Variants in PAXBP1 observed in about 807,000 individuals in gnomAD.
PAXBP1 encodes the protein PAX3 and PAX7 binding protein 1.
PAXBP1 carries 44 observed loss-of-function variants against 119.9 expected under a neutral mutation model. The observed-to-expected ratio is 0.37, with a 90% CI of 0.29 to 0.47. PAXBP1 has a LOEUF of 0.47. Ranked by LOEUF, PAXBP1 falls within the 20% of genes least tolerant of loss-of-function variation. PAXBP1 has a pLI of 0.99. For synonymous variants in PAXBP1, 393 were observed against 406.6 expected (o/e 0.97, Z 0.40); for missense variants, 898 against 1,134.1 (o/e 0.79, Z 2.99).
chr21:32,743,222 C>G (rs2043815978), intron 15 of PAXBP1, 26 bp downstream of exon 15: 2 of 1,540,694 alleles, frequency 1.3e-6, no homozygotes, highest in African/African-American at 1.4e-5. Flanking sequence ...AAATCTGAGT[C>G]TTTTAGATAG....
rs761318734 is a variant in PAXBP1 at position 32,737,412 on chromosome 21, T to C, written c.2482-4A>G. The C allele has an allele frequency of 6.2e-5, 98 of 1,592,396 alleles. No individual in the cohort carries two copies. Among genetic ancestry groups the C allele is most frequent in the Non-Finnish European group, 7.9e-5 (93 of 1,171,564 alleles). On this transcript the variant is annotated splice_polypyrimidine_tract_variant and splice_region_variant and intron_variant, in intron 16 of 17. Coordinates refer to ENST00000331923, the MANE Select transcript of PAXBP1 (RefSeq NM_016631.4). ...GTTTGGGGAAACAATTGATTACCTGTGGAGAAGAAAGACGTAAAATAAAAT... is the reference window on the plus strand; with the variant it reads ...GTTTGGGGAAACAATTGATTACCTGCGGAGAAGAAAGACGTAAAATAAAAT...
chr21:32,738,776 C>G (rs983831717), intron 15 of PAXBP1, among the ~76,000 whole-genome samples: 1 of 152,028 alleles, frequency 6.6e-6, no homozygotes, highest in Non-Finnish European at 1.5e-5. Context: ...GCATCTCAAG[C>G]TACCCAAGCT....
At chr21:32,740,819 A>T (rs1041085034) in intron 15 of PAXBP1, among the ~76,000 whole-genome samples, 16 of 152,182 alleles carry the variant, frequency 1.1e-4, no homozygotes, top group Non-Finnish European at 1.5e-5. Context: ...ACAAACTGAA[A>T]AAAAAAAATC....
In PAXBP1 at chr21:32,745,607, T is replaced by C. The variant is rs768854048; in HGVS notation, c.2035A>G (p.Ile679Val). The C allele has an allele frequency of 5.0e-6, 8 of 1,614,036 alleles. No homozygotes were observed. Among genetic ancestry groups the C allele is most frequent in the South Asian group, 1.1e-5 (1 of 91,078 alleles). ...TTAGGAAGAATCACCTTTTCCACAA[T>C]GGTAGGTAGTAGGGCAACATCTACA... is the stretch of plus-strand genomic sequence containing the variant. Reference protein sequence around the residue: ...DDVDVALLPTIVEKVILPKLT... With the variant: ...DDVDVALLPTVVEKVILPKLT... The change falls in exon 12 of 18, where the codon ATT becomes GTT. Residue 679 changes from isoleucine to valine, a missense_variant. By Grantham distance (29) the Ile-to-Val change is conservative. Around this residue, in one of 2 missense-constraint regions of PAXBP1, gnomAD observed 599 missense variants for 852.7 expected, o/e 0.70. Transcript: ENST00000331923.
At position 32,743,271 on chromosome 21, in the gene PAXBP1, G is replaced by A. The variant is rs1320858083; in HGVS notation, c.2311C>T (p.Arg771Ter). The A allele has an allele frequency of 3.2e-6, 5 of 1,576,194 alleles. No homozygotes were observed. The highest frequency in any genetic ancestry group is 1.4e-5 in the African/African-American group (1 of 72,396). The change falls in exon 15 of 18, where the codon CGA (arginine) becomes TGA (stop). Residue 771 changes from arginine (R) to a stop codon, truncating the protein, a stop_gained. Transcript: ENST00000331923. LOFTEE classifies it high-confidence loss of function. The stretch of plus-strand genomic sequence containing the variant: ...ACCTTAACTGAAGACCAAAACTGTC[G>A]TTGAAAAAACAAGTAAGGCCCAGAA... The part of the protein sequence containing the change: ...KNSGPYLFFQ[R>*]QFWSSVKLLG...
chr21:32,749,025 G>A (rs113220146), intron 10 of PAXBP1, among the ~76,000 whole-genome samples: 8 of 152,164 alleles, frequency 5.3e-5, no homozygotes, highest in South Asian at 2.1e-4. Flanking sequence ...TAATTGTGCC[G>A]CTAGCTTTTT....
At position 32,769,941 on chromosome 21, in the gene PAXBP1, T is replaced by C; in HGVS notation, c.345A>G (p.Glu115=). Residue 115 remains glutamate (E), a splice_region_variant and synonymous_variant, in exon 2 of 18, where the codon GAA becomes GAG. Coordinates refer to ENST00000331923, the MANE Select transcript of PAXBP1 (RefSeq NM_016631.4). The part of the protein sequence containing the change: ...SLLSFQDEEE[E]NEEVFKVKKS... The stretch of plus-strand genomic sequence containing the variant: ...TCTTCACTTTGAAAACTTCTTCATT[T>C]TCTTAAAAAGGAAATTAAATGAAGT... 6.6e-7 allele frequency: 1 copy of C among 1,521,470 alleles called. No homozygotes were observed. The highest frequency in any genetic ancestry group is 8.9e-7 in the Non-Finnish European group (1 of 1,124,164). The allele number at this position is 1,521,470 out of a possible 1,614,324, so 94.2% of individuals were successfully genotyped here.
At position 32,734,337 on chromosome 21, in the gene PAXBP1, A is replaced by G. The variant is rs116500484; in HGVS notation, c.*613T>C. The G allele has an allele frequency of 0.012, 1,777 of 152,992 alleles. 34 individuals carry two copies. Among genetic ancestry groups the G allele is most frequent in the African/African-American group, 0.038 (1,598 of 41,580 alleles). 9.5% of individuals were successfully genotyped at this position (152,992 alleles called of 1,614,324 possible). On this transcript the variant is annotated 3_prime_UTR_variant, in exon 18 of 18. Transcript: ENST00000331923. ...TGTTGCATATTCATTTAGCATTCACATTAAACCCACATTTGACTCTAACGC... is the reference window on the plus strand; with the variant it reads ...TGTTGCATATTCATTTAGCATTCACGTTAAACCCACATTTGACTCTAACGC...
rs771589234 is a variant in PAXBP1, at chr21:32,759,873, T to C, written c.1097A>G (p.Lys366Arg). 1 of 1,614,000 alleles carries C rather than the reference T, an allele frequency of 6.2e-7. No individual in the cohort carries two copies. The highest frequency in any genetic ancestry group is 1.1e-5 in the South Asian group (1 of 91,076). Residue 366 changes from lysine to arginine, a missense_variant, in exon 6 of 18, where the codon AAA (lysine) becomes AGA (arginine). Coordinates refer to ENST00000331923, the MANE Select transcript of PAXBP1 (RefSeq NM_016631.4). ...GACTGTATTATCTGTTTTTTGAGAT[T>C]TGGCATCTGATGATCCATAGGCCGT... is the stretch of plus-strand genomic sequence containing the variant. ...SYTAYGSSDAKSQKTDNTVPF... is the reference protein window; with the variant it reads ...SYTAYGSSDARSQKTDNTVPF...
chr21:32,752,245 G>A (rs2043968220), intron 8 of PAXBP1: 1 of 152,116 alleles, frequency 6.6e-6, no homozygotes, highest in South Asian at 2.1e-4. Context: ...CAGTTCTTTT[G>A]TTGGGGATCC....
chr21:32,759,848 G>C lies in PAXBP1; in HGVS notation c.1122C>G (p.Val374=). The change falls in exon 6 of 18, where the codon GTC becomes GTG. Residue 374 remains valine, a synonymous_variant. Coordinates refer to ENST00000331923, the MANE Select transcript of PAXBP1 (RefSeq NM_016631.4). The stretch of plus-strand genomic sequence containing the variant: ...TCTCATTACTGGGAGTTTTGAAAGG[G>C]ACTGTATTATCTGTTTTTTGAGATT... ...DAKSQKTDNT[V]PFKTPSNEMT... 1 of 1,613,998 alleles carries C rather than the reference G, an allele frequency of 6.2e-7. No individual in the cohort carries two copies. Among genetic ancestry groups the C allele is most frequent in the East Asian group, 2.2e-5 (1 of 44,868 alleles).
At chr21:32,767,731 C>CCATG (rs1448855602) in intron 2 of PAXBP1, among the ~76,000 whole-genome samples, 1 of 152,178 alleles carries the variant, frequency 6.6e-6, no homozygotes. Flanking sequence ...TCACCTCCTG[C>CCATG]CATGATTCTG....
In PAXBP1 at chr21:32,745,729, T is replaced by A. The variant is rs79045709; in HGVS notation, c.1924-11A>T. The A allele has an allele frequency of 2.4e-3, 3,796 of 1,613,550 alleles. 94 individuals are homozygous for A. The African/African-American group carries it at 0.044, about 19-fold the overall frequency. ...GTCACGACATTTTGCCTAAAAGACATTTAAAAGGTTACCCAAATACTAAAA... is the reference window on the plus strand; with the variant it reads ...GTCACGACATTTTGCCTAAAAGACAATTAAAAGGTTACCCAAATACTAAAA... On this transcript the variant is annotated splice_polypyrimidine_tract_variant and intron_variant, in intron 11 of 17. Transcript: ENST00000331923.
At chr21:32,745,491 A>T in intron 12 of PAXBP1, 83 bp downstream of exon 12, 1 of 1,542,904 alleles carries the variant, frequency 6.5e-7, no homozygotes, top group Non-Finnish European at 8.9e-7. Context: ...ATAAGGAAAC[A>T]TGCTCTGAAT....
Position 32,771,705 on chromosome 21 carries a change from A to C in PAXBP1, c.-37T>G. On this transcript the variant is annotated 5_prime_UTR_variant, in exon 1 of 18. Coordinates refer to ENST00000331923, the MANE Select transcript of PAXBP1 (RefSeq NM_016631.4). ...GCACGGCGGTCGAATACTCGCTTCC[A>C]CACCGCGGCCCCGGCAGCGCCGAGC... The C allele has an allele frequency of 7.4e-7, 1 of 1,350,138 alleles. No individual in the cohort carries two copies. The highest frequency in any genetic ancestry group is 9.5e-7 in the Non-Finnish European group (1 of 1,051,374). 83.6% of individuals were successfully genotyped at this position (1,350,138 alleles called of 1,614,324 possible).
rs200811797 is a variant in PAXBP1, at chr21:32,735,001, A to G, written c.2703T>C (p.Val901=). 6.2e-6 allele frequency: 10 copies of G among 1,613,952 alleles called. No homozygotes were observed. Among genetic ancestry groups the G allele is most frequent in the Non-Finnish European group, 8.5e-6 (10 of 1,179,924 alleles). The part of the protein sequence containing the change: ...SVRALDHAMS[V]ASDHNVKEFK... ...ATTCTTTCACATTGTGGTCACTTGC[A>G]ACAGACATAGCATGATCCAAAGCTC... Residue 901 remains valine, a synonymous_variant, in exon 18 of 18, where the codon GTT becomes GTC. Transcript: ENST00000331923.
intron 8 of PAXBP1, among the ~76,000 whole-genome samples, chr21:32,753,820 G>C (rs1181912326): frequency 6.6e-6 from 1 of 152,034 alleles, no homozygotes; most frequent in East Asian, 1.9e-4. Flanking sequence ...TAAGTAAATA[G>C]CTCCATATTC....
At chr21:32,745,405 G>T (rs2043857503) in intron 12 of PAXBP1, among the ~76,000 whole-genome samples, 169 bp downstream of exon 12, 1 of 152,170 alleles carries the variant, frequency 6.6e-6, no homozygotes, top group Non-Finnish European at 1.5e-5. Context: ...TGGTCTTCAA[G>T]TCCCAGGATA....
intron 14 of PAXBP1, 62 bp downstream of exon 14, chr21:32,743,616 T>G (rs924241671): frequency 1.6e-6 from 2 of 1,277,074 alleles, no homozygotes; most frequent in Non-Finnish European, 2.2e-6. Context: ...TTCAGAATTT[T>G]ATAAGCCTTC....
Sources: allele counts gnomAD v4.1 joint callset (sites outside exome capture counted in the v4.1 genomes callset), GRCh38; gene constraint gnomAD v4.1.1; regional missense constraint gnomAD v4.1.1; transcripts MANE v1.5; gene names NCBI Gene and HGNC (gene_info 2026-07-23, HGNC 2026-07-21).